TTLL6: variants seen among roughly 807,000 people sequenced by gnomAD.
The protein encoded by TTLL6 is tubulin tyrosine ligase like 6.
TTLL6 carries 75 observed loss-of-function variants against 96.4 expected under a neutral mutation model. That is an observed-to-expected ratio of 0.78 (90% confidence interval 0.65 to 0.94). The LOEUF (loss-of-function observed/expected upper bound fraction) is 0.94, where lower values mean the gene tolerates loss of function less well. TTLL6 is among the 40% of genes least tolerant of loss of function. TTLL6 has a pLI of 0.00. For synonymous variants in TTLL6, 411 were observed against 419.4 expected (o/e 0.98, Z 0.24); for missense variants, 1,030 against 1,093.0 (o/e 0.94, Z 0.81).
intron 11 of TTLL6, among the ~76,000 whole-genome samples, chr17:48,786,950 C>T (rs1410082494): frequency 6.6e-6 from 1 of 151,772 alleles, no homozygotes; most frequent in African/African-American, 2.4e-5. Flanking sequence ...CTGCCTCAGC[C>T]TCCAGAGTAG....
intron 13 of TTLL6, among the ~76,000 whole-genome samples, chr17:48,783,690 C>T (rs1190954002): frequency 6.6e-6 from 1 of 152,138 alleles, no homozygotes; most frequent in East Asian, 1.9e-4. Context: ...TTCGGCCTCC[C>T]AAAGTGCTGG....
chr17:48,800,703 C>T (rs1460225273), intron 5 of TTLL6, among the ~76,000 whole-genome samples: 1 of 152,136 alleles, frequency 6.6e-6, no homozygotes, highest in Non-Finnish European at 1.5e-5. Context: ...CACCAGATTG[C>T]ACCCTAGGTC....
rs377229285 is a variant in TTLL6 at position 48,770,026 on chromosome 17, G to C, written c.2112C>G (p.Thr704=). The C allele has an allele frequency of 5.0e-4, 811 of 1,614,176 alleles. 6 individuals carry two copies. In the Middle Eastern group the frequency reaches 5.1e-3, roughly 10 times the overall value. ...QLSISPKSPP[T]LAVTASSEYS... is the part of the protein sequence containing the mutation. Reference sequence around the variant, plus strand: ...ACTCAGAGCTGGCGGTCACAGCCAGGGTTGGCGGAGACTTTGGGGAGATTG... The same window carrying C: ...ACTCAGAGCTGGCGGTCACAGCCAGCGTTGGCGGAGACTTTGGGGAGATTG... Residue 704 remains threonine, a synonymous_variant, in exon 14 of 16, where the codon ACC becomes ACG. Transcript: ENST00000393382.
chr17:48,774,082 C>CAG (rs1555563573), intron 13 of TTLL6, among the ~76,000 whole-genome samples: 1 of 46,164 alleles, frequency 2.2e-5, no homozygotes, highest in Non-Finnish European at 3.9e-5. Flanking sequence ...AACTCCATCT[C>CAG]AAAAAAAACA....
chr17:48,771,931 C>T (rs1307584223), intron 13 of TTLL6, among the ~76,000 whole-genome samples: 10 of 151,808 alleles, frequency 6.6e-5, no homozygotes, highest in South Asian at 2.1e-4. Context: ...AAAAATTAGC[C>T]GGGCATGGTG....
chr17:48,805,130 C>A, intron 1 of TTLL6, 139 bp from the exon 2 acceptor site: 1 of 678,568 alleles, frequency 1.5e-6, no homozygotes, highest in Non-Finnish European at 2.5e-6. Context: ...CCGGCCTCCG[C>A]GGTTTGATGC....
chr17:48,813,245 G>C (rs1345940473), intron 1 of TTLL6, among the ~76,000 whole-genome samples: 1 of 152,136 alleles, frequency 6.6e-6, no homozygotes, highest in Non-Finnish European at 1.5e-5. Context: ...AGCAATCTTA[G>C]TGACTTTAGT....
chr17:48,783,256 A>T (rs2039022255), intron 13 of TTLL6, among the ~76,000 whole-genome samples: 1 of 152,118 alleles, frequency 6.6e-6, no homozygotes, highest in Admixed American at 6.6e-5. Context: ...ATGAAGGCCC[A>T]ACAATGCTGA....
chr17:48,812,950 G>A (rs1321483400), intron 1 of TTLL6, among the ~76,000 whole-genome samples: 1 of 152,092 alleles, frequency 6.6e-6, no homozygotes, highest in Non-Finnish European at 1.5e-5. Flanking sequence ...ACTTACAATA[G>A]ACTATTGAAA....
At chr17:48,788,929 G>A (rs984958997) in intron 10 of TTLL6, among the ~76,000 whole-genome samples, 2 of 152,072 alleles carry the variant, frequency 1.3e-5, no homozygotes, top group Admixed American at 1.3e-4. Context: ...GAGTGCAGGG[G>A]GCTGTAGTGG....
intron 1 of TTLL6, among the ~76,000 whole-genome samples, chr17:48,814,363 T>C (rs1598009575): frequency 2.9e-5 from 4 of 140,248 alleles, no homozygotes; most frequent in Admixed American, 2.1e-4. Context: ...GTACTACCAA[T>C]GTAACAAACA....
chr17:48,794,073 C>T, intron 8 of TTLL6: 3 of 1,430,436 alleles, frequency 2.1e-6, no homozygotes, highest in Non-Finnish European at 2.9e-6. Context: ...CAGGCGGAGG[C>T]CACGGGGGCA....
chr17:48,799,575 A>G, intron 6 of TTLL6, 29 bp downstream of exon 6: 1 of 1,546,282 alleles, frequency 6.5e-7, no homozygotes, highest in South Asian at 1.2e-5. Context: ...GCTGTGGGTG[A>G]TAAATAAATA....
chr17:48,804,035 G>T, intron 2 of TTLL6, 107 bp from the exon 3 acceptor site: 2 of 1,308,056 alleles, frequency 1.5e-6, no homozygotes, highest in Non-Finnish European at 1.1e-6. Context: ...CTGAAATCTA[G>T]CCTGCCATGC....
At chr17:48,798,120 T>C (rs2039351258) in intron 6 of TTLL6, among the ~76,000 whole-genome samples, 1 of 148,184 alleles carries the variant, frequency 6.7e-6, no homozygotes, top group African/African-American at 2.5e-5. Context: ...AAAAAATAAA[T>C]AGATAAAAAT....
intron 1 of TTLL6, among the ~76,000 whole-genome samples, chr17:48,810,483 G>A (rs1056749739): frequency 6.6e-6 from 1 of 152,094 alleles, no homozygotes; most frequent in African/African-American, 2.4e-5. Context: ...TCCTGAAAGA[G>A]CATCTCCTTC....
Position 48,774,090 on chromosome 17 carries a change from ACAAAAC to A in TTLL6, c.2041-3999_2041-3994del, listed in dbSNP as rs1567716918. Among the ~76,000 whole-genome samples the A allele has an allele frequency of 1.0e-4, 10 of 97,384 alleles. 1 individual carries two copies. The highest frequency in any genetic ancestry group is 2.5e-4 in the African/African-American group (6 of 24,120). The allele number at this position is 97,384 out of a possible 152,430, so 63.9% of individuals were successfully genotyped here. On this transcript the variant is annotated intron_variant, in intron 13 of 15. Transcript: ENST00000393382. ...AGAGCAAAACTCCATCTCAAAAAAA[ACAAAAC>A]AAAAAAAAAAAAAAAACAAGAAAAG...
At chr17:48,790,151 G>T (rs749167968) in intron 9 of TTLL6, 45 bp from the exon 10 acceptor site, 1 of 1,601,164 alleles carries the variant, frequency 6.2e-7, no homozygotes, top group African/African-American at 1.3e-5. Flanking sequence ...CGTCCAGAAT[G>T]AAAGCAGAGA....
In TTLL6 at chr17:48,770,168, A is replaced by T. The variant is rs529244451; in HGVS notation, c.2041-71T>A. ...TTCCTTCCTATGCTATTTTTTTTTT[A>T]TTTTTATTTTTTGAGACAAGGTCTT... On this transcript the variant is annotated intron_variant, in intron 13 of 15. Transcript: ENST00000393382. The T allele has an allele frequency of 2.5e-4, 373 of 1,498,506 alleles. 1 individual carries two copies. In the African/African-American group the frequency reaches 4.2e-3, roughly 17 times the overall value. 92.8% of individuals were successfully genotyped at this position (1,498,506 alleles called of 1,614,324 possible). A position where few individuals can be genotyped will look rare whatever the true frequency, so the allele number is the denominator to read the frequency against.
Sources: gnomAD v4.1 joint callset for allele counts (sites outside exome capture counted in the v4.1 genomes callset) on GRCh38, gnomAD v4.1.1 for gene constraint, MANE v1.5 for transcripts, NCBI Gene and HGNC (gene_info 2026-07-23, HGNC 2026-07-21) for gene names.